Variants in NIBAN1 observed in about 807,000 individuals in gnomAD.
NIBAN1 encodes protein Niban 1.
In NIBAN1, 81 loss-of-function variants were observed where a neutral mutation model predicts 75.1. The ratio of observed to expected loss-of-function variants is 1.08; its 90% CI spans 0.90 to 1.30. The LOEUF (loss-of-function observed/expected upper bound fraction) is 1.30, where lower values mean the gene tolerates loss of function less well. NIBAN1 is among the 50% of genes most tolerant of loss of function. The pLI is 0.00. For missense variants in NIBAN1, 1,133 were observed against 1,128.1 expected (o/e 1.00, Z -0.06); for synonymous variants, 436 against 424.8 (o/e 1.03, Z -0.32).
At chr1:184,973,825 A>C (rs1267425274) in intron 1 of NIBAN1, among the ~76,000 whole-genome samples, 1 of 152,272 alleles carries the variant, frequency 6.6e-6, no homozygotes, top group Non-Finnish European at 1.5e-5. Flanking sequence ...GTGCGAGCGA[A>C]GCTGCGGCCA....
In NIBAN1 at chr1:184,897,956, G is replaced by A. The variant is rs1048446035; in HGVS notation, c.186+1223C>T. Among the ~76,000 whole-genome samples the A allele has an allele frequency of 3.3e-5, 5 of 151,844 alleles. No individual in the cohort carries two copies. The East Asian group carries it at 7.7e-4, about 23-fold the overall frequency. On this transcript the variant is annotated intron_variant, in intron 2 of 13. Transcript: ENST00000367511. ...TCCCCAGTTTCCATTCTCCCCTCTC[G>A]CCCCATAGTCTATTCTTTACACAGA...
At chr1:184,917,510 G>T (rs1044064589) in intron 1 of NIBAN1, among the ~76,000 whole-genome samples, 3 of 151,300 alleles carry the variant, frequency 2.0e-5, no homozygotes, top group Non-Finnish European at 3.0e-5. Context: ...TGCCCGGCCG[G>T]TCTCTTCCAC....
At chr1:184,971,385 A>T (rs1180289634) in intron 1 of NIBAN1, among the ~76,000 whole-genome samples, 1 of 151,978 alleles carries the variant, frequency 6.6e-6, no homozygotes, top group Non-Finnish European at 1.5e-5. Flanking sequence ...ATTAAAAAAA[A>T]GATTGGCTGG....
intron 5 of NIBAN1, among the ~76,000 whole-genome samples, chr1:184,883,090 T>C (rs1413931654): frequency 6.6e-6 from 1 of 152,152 alleles, no homozygotes. Flanking sequence ...CTAGTGACTC[T>C]CACTCTGTGG....
intron 1 of NIBAN1, among the ~76,000 whole-genome samples, chr1:184,963,545 A>G (rs1011742090): frequency 1.3e-5 from 2 of 152,214 alleles, no homozygotes; most frequent in African/African-American, 4.8e-5. Context: ...ACAACTAATA[A>G]GAGGCCTTGA....
intron 12 of NIBAN1, among the ~76,000 whole-genome samples, chr1:184,799,322 T>C (rs1056303368): frequency 1.6e-3 from 244 of 150,270 alleles, no homozygotes; most frequent in African/African-American, 5.5e-3. Flanking sequence ...GATAGTTTAC[T>C]GAGAATGATG....
intron 5 of NIBAN1, among the ~76,000 whole-genome samples, chr1:184,861,859 T>C (rs567116699): frequency 7.9e-5 from 12 of 152,202 alleles, no homozygotes; most frequent in African/African-American, 2.9e-4. Flanking sequence ...TTCTTCATAA[T>C]TAATCTTGCT....
At chr1:184,892,797 AGTCTCACTCT>A (rs1227146131) in intron 3 of NIBAN1, among the ~76,000 whole-genome samples, 4 of 151,932 alleles carry the variant, frequency 2.6e-5, no homozygotes, top group African/African-American at 9.7e-5. Flanking sequence ...TTTGAGATAG[AGTCTCACTCT>A]GTCACCCAGG....
intron 1 of NIBAN1, among the ~76,000 whole-genome samples, chr1:184,960,217 T>C (rs234124): frequency 0.2 from 30,362 of 152,166 alleles, 3,343 homozygotes; most frequent in East Asian, 0.35. Flanking sequence ...AAATGTACTG[T>C]TTAAATTTAA....
In NIBAN1 at chr1:184,957,325, G is replaced by A. The variant is rs114332033; in HGVS notation, c.55+16977C>T. On this transcript the variant is annotated intron_variant, in intron 1 of 13. Coordinates refer to ENST00000367511, the MANE Select transcript of NIBAN1 (RefSeq NM_052966.4). ...TTAAAGGTGCCTATTTAAACCCTGCGTCCGACTCTTTCATAATGAATAAAT... is the reference window on the plus strand; with the variant it reads ...TTAAAGGTGCCTATTTAAACCCTGCATCCGACTCTTTCATAATGAATAAAT... Among the ~76,000 whole-genome samples, 458 of 152,244 alleles carry A rather than the reference G, an allele frequency of 3.0e-3. 3 individuals carry two copies. The highest frequency in any genetic ancestry group is 0.011 in the African/African-American group (442 of 41,552).
At chr1:184,803,828 A>G (rs1654114864) in intron 11 of NIBAN1, 136 bp from the exon 12 acceptor site, 2 of 678,584 alleles carry the variant, frequency 2.9e-6, no homozygotes, top group Admixed American at 5.0e-5. Flanking sequence ...AAGGCCTCAG[A>G]GATCTTTCCA....
At chr1:184,859,323 T>C (rs116147775) in intron 5 of NIBAN1, among the ~76,000 whole-genome samples, 2,584 of 152,240 alleles carry the variant, frequency 0.017, 67 homozygotes, top group African/African-American at 0.059. Context: ...GTGGAATACA[T>C]CTGTCCAGCA....
intron 5 of NIBAN1, among the ~76,000 whole-genome samples, chr1:184,838,562 G>T (rs1655200186): frequency 6.6e-6 from 1 of 152,192 alleles, no homozygotes; most frequent in Non-Finnish European, 1.5e-5. Context: ...TCATGCAGCT[G>T]CATGGAAAAC....
chr1:184,869,860 TA>T (rs1236464026), intron 5 of NIBAN1, among the ~76,000 whole-genome samples: 2 of 152,190 alleles, frequency 1.3e-5, no homozygotes, highest in African/African-American at 2.4e-5. Context: ...ACCACTTTTT[TA>T]TTGTGCTGTT....
rs376713721 is a variant in NIBAN1 at position 184,823,688 on chromosome 1, G to T, written c.772C>A (p.Leu258Met). The change falls in exon 7 of 14, where the codon CTG becomes ATG. Residue 258 changes from leucine (L) to methionine (M), a missense_variant. Physicochemically the swap from Leu to Met is conservative, Grantham distance 15 (BLOSUM62 2). Transcript: ENST00000367511. ...ELLPTLQTDL[L>M]PKMKGKKNDR... ...TTCTTCTTCCCCTTCATCTTAGGCA[G>T]CAGGTCTGTCTGAAGAGTGGGCAGG... is the stretch of plus-strand genomic sequence containing the variant. 10 of 1,614,046 alleles carry T rather than the reference G, an allele frequency of 6.2e-6. No homozygotes were observed. Among genetic ancestry groups the T allele is most frequent in the Non-Finnish European group, 1.7e-6 (2 of 1,180,004 alleles).
chr1:184,875,365 T>G (rs1656204864), intron 5 of NIBAN1, among the ~76,000 whole-genome samples: 2 of 152,212 alleles, frequency 1.3e-5, no homozygotes, highest in African/African-American at 4.8e-5. Context: ...AGGTCTCTCA[T>G]GAAGCTGCAG....
At chr1:184,855,781 C>A (rs972453067) in intron 5 of NIBAN1, among the ~76,000 whole-genome samples, 1 of 152,058 alleles carries the variant, frequency 6.6e-6, no homozygotes, top group African/African-American at 2.4e-5. Flanking sequence ...ATCCTGAGAA[C>A]CTAGAATAGA....
chr1:184,821,510 T>C (rs1472263671), intron 8 of NIBAN1: 2 of 152,226 alleles, frequency 1.3e-5, no homozygotes, highest in African/African-American at 4.8e-5. Context: ...TTAAAAAGAC[T>C]TGATCATTAC....
Position 184,805,990 on chromosome 1 carries a change from T to C in NIBAN1, c.1402A>G (p.Lys468Glu). Residue 468 changes from lysine to glutamate, a missense_variant, in exon 11 of 14, where the codon AAA (lysine) becomes GAA (glutamate). By Grantham distance (56) the Lys-to-Glu change is moderately conservative (BLOSUM62 1). Transcript: ENST00000367511. Reference sequence around the variant, plus strand: ...ACCTTCTCAATGGCAACTGCAGTTTTGGAGGCCTCTCCTTGGAGATGTGGG... The same window carrying C: ...ACCTTCTCAATGGCAACTGCAGTTTCGGAGGCCTCTCCTTGGAGATGTGGG... ...LSPHLQGEAS[K>E]TAVAIEKVKL... The C allele has an allele frequency of 6.2e-7, 1 of 1,614,232 alleles. No homozygotes were observed. The highest frequency in any genetic ancestry group is 8.5e-7 in the Non-Finnish European group (1 of 1,180,044).
Sources: gnomAD v4.1 joint callset for allele counts (sites outside exome capture counted in the v4.1 genomes callset) on GRCh38, gnomAD v4.1.1 for gene constraint, MANE v1.5 for transcripts, NCBI Gene and HGNC (gene_info 2026-07-23, HGNC 2026-07-21) for gene names.